APEH: variants seen among roughly 807,000 people sequenced by gnomAD.
APEH encodes the protein acylaminoacyl-peptide hydrolase.
In APEH, 75 loss-of-function variants were observed where a neutral mutation model predicts 102.7. The ratio of observed to expected loss-of-function variants is 0.73; its 90% confidence interval spans 0.61 to 0.89. The LOEUF is 0.89. APEH is among the 40% of genes least tolerant of loss of function. The pLI is 0.00. For missense variants in APEH, 863 were observed against 941.2 expected, an observed-to-expected ratio of 0.92 and a Z score of 1.09; for synonymous variants, 344 against 362.7, an observed-to-expected ratio of 0.95 and a Z score of 0.59.
Position 49,677,086 on chromosome 3 carries a change from G to C in APEH, c.999+62G>C. On this transcript the variant is annotated intron_variant, in intron 10 of 21. Coordinates refer to ENST00000296456, the MANE Select transcript of APEH (RefSeq NM_001640.4). ...CAAGAAGATGGGATGGTGGATGAGA[G>C]CTGAAGGGCCAGTATCATCTCCCCA... 4 of 1,607,596 alleles carry C rather than the reference G, an allele frequency of 2.5e-6. No individual in the cohort carries two copies. The South Asian group carries it at 4.4e-5, about 18-fold the overall frequency.
In APEH at chr3:49,674,520, C is replaced by G; in HGVS notation, c.44C>G (p.Ala15Gly). The change falls in exon 2 of 22, where the codon GCT (alanine) becomes GGT (glycine). Residue 15 changes from alanine to glycine, a missense_variant. Coordinates refer to ENST00000296456, the MANE Select transcript of APEH (RefSeq NM_001640.4). ...CTGAGCGAGCCCGAGGAGGCGGCGGCTCTGTATCGGGGCCTTAGCCGCCAG... is the reference window on the plus strand; with the variant it reads ...CTGAGCGAGCCCGAGGAGGCGGCGGGTCTGTATCGGGGCCTTAGCCGCCAG... ...VLLSEPEEAA[A>G]LYRGLSRQPA... 6.4e-7 allele frequency: 1 copy of G among 1,568,296 alleles called. No homozygotes were observed. Among genetic ancestry groups the G allele is most frequent in the Non-Finnish European group, 8.6e-7 (1 of 1,165,232 alleles).
intron 14 of APEH, 77 bp from the exon 15 acceptor site, chr3:49,681,024 C>T: frequency 1.3e-6 from 2 of 1,493,646 alleles, no homozygotes; most frequent in Non-Finnish European, 1.8e-6. Flanking sequence ...TGAGAGCTGC[C>T]TATTTCCCAC....
Position 49,681,812 on chromosome 3 carries a change from A to C in APEH, c.1522+7A>C. The C allele has an allele frequency of 6.2e-7, 1 of 1,611,956 alleles. No individual in the cohort carries two copies. ...ATGGTGGTCATGCCCCACGGTAGGCATCTGGCGTTAAGAGCCCTTGCCCTC... is the reference window on the plus strand; with the variant it reads ...ATGGTGGTCATGCCCCACGGTAGGCCTCTGGCGTTAAGAGCCCTTGCCCTC... On this transcript the variant is annotated splice_region_variant and intron_variant, in intron 16 of 21. Transcript: ENST00000296456.
chr3:49,681,921 G>T lies in APEH; in HGVS notation c.1557G>T (p.Met519Ile), dbSNP rs2053337270. The T allele has an allele frequency of 6.2e-7, 1 of 1,614,202 alleles. No homozygotes were observed. The highest frequency in any genetic ancestry group is 2.2e-5 in the East Asian group (1 of 44,876). ...ATTCATCCTTTGTCACTGCCTGGAT[G>T]CTGTTCCCAGCCATGCTTTGCAAGA... is the stretch of plus-strand genomic sequence containing the variant. ...GPHSSFVTAWMLFPAMLCKMG... is the reference protein window; with the variant it reads ...GPHSSFVTAWILFPAMLCKMG... The change falls in exon 17 of 22, where the codon ATG becomes ATT. Residue 519 changes from methionine to isoleucine, a missense_variant. Coordinates refer to ENST00000296456, the MANE Select transcript of APEH (RefSeq NM_001640.4).
chr3:49,673,808 CTCACGCTCACG>C (rs1233988425), upstream of APEH, among the ~76,000 whole-genome samples: 7 of 131,370 alleles, frequency 5.3e-5, no homozygotes, highest in African/African-American at 2.9e-4. Flanking sequence ...CACCCTCACG[CTCACGCTCACG>C]CTCACGCTCA....
chr3:49,678,500 A>T (rs899539536), intron 11 of APEH, among the ~76,000 whole-genome samples: 2 of 152,162 alleles, frequency 1.3e-5, no homozygotes, highest in African/African-American at 4.8e-5. Flanking sequence ...CACAGTGGAG[A>T]TAAGACGGAC....
intron 8 of APEH, 25 bp from the exon 9 acceptor site, chr3:49,676,752 C>CG (rs1559632048): frequency 1.2e-6 from 2 of 1,614,268 alleles, no homozygotes; most frequent in South Asian, 2.2e-5. Context: ...GGCCTTGAGA[C>CG]TGAGTGTCTG....
At position 49,676,218 on chromosome 3, in the gene APEH, A is replaced by C. The variant is rs149050354; in HGVS notation, c.605A>C (p.Lys202Thr). 10 of 1,613,852 alleles carry C rather than the reference A, an allele frequency of 6.2e-6. No individual in the cohort carries two copies. The East Asian group carries it at 2.2e-4, about 36-fold the overall frequency. Residue 202 changes from lysine (K) to threonine (T), a missense_variant and splice_region_variant, in exon 6 of 22, where the codon AAG (lysine) becomes ACG (threonine). Transcript: ENST00000296456. ...CTGAAGAAGCCAGACCAAGCCATCA[A>C]GGTGCTCGTGGTCAATCCACGAAGG... is the stretch of plus-strand genomic sequence containing the variant. Reference protein sequence around the residue: ...ARLKKPDQAIKGDQFVFYEDW... With the variant: ...ARLKKPDQAITGDQFVFYEDW...
Position 49,679,022 on chromosome 3 carries a change from A to G in APEH, c.1158+73A>G. Reference sequence around the variant, plus strand: ...CAGGAGCCCTGGGGGTTGCATGTGCATGCCCCTGGGTGGAATGCCCAGCCA... The same window carrying G: ...CAGGAGCCCTGGGGGTTGCATGTGCGTGCCCCTGGGTGGAATGCCCAGCCA... On this transcript the variant is annotated intron_variant, in intron 12 of 21. Coordinates refer to ENST00000296456, the MANE Select transcript of APEH (RefSeq NM_001640.4). This position sits in a 1 kb window ranked among gnomAD's most constrained non-coding sequence, Gnocchi z 4.3. The G allele has an allele frequency of 7.7e-7, 1 of 1,292,360 alleles. No homozygotes were observed. Among genetic ancestry groups the G allele is most frequent in the South Asian group, 1.2e-5 (1 of 83,106 alleles). The allele number at this position is 1,292,360 out of a possible 1,614,324, so 80.1% of individuals were successfully genotyped here.
rs543901559 is a variant in APEH, at chr3:49,674,371, C to T, written c.-31C>T. 4 of 1,556,644 alleles carry T rather than the reference C, an allele frequency of 2.6e-6. No homozygotes were observed. On this transcript the variant is annotated 5_prime_UTR_variant, in exon 1 of 22. Transcript: ENST00000296456. ...GCCTCACTTCCGGGCGCGAGCACGCCCCGCCTCGCCCCGGCGGCAGAGAGG... is the reference window on the plus strand; with the variant it reads ...GCCTCACTTCCGGGCGCGAGCACGCTCCGCCTCGCCCCGGCGGCAGAGAGG...
chr3:49,674,712 G>A, intron 2 of APEH, 91 bp downstream of exon 2: 2 of 1,507,146 alleles, frequency 1.3e-6, no homozygotes, highest in South Asian at 1.2e-5. Context: ...TTGACAGTGC[G>A]TAAGGGTATA....
chr3:49,678,281 T>C (rs1167553918), intron 11 of APEH, among the ~76,000 whole-genome samples: 1 of 152,188 alleles, frequency 6.6e-6, no homozygotes, highest in African/African-American at 2.4e-5. Context: ...GTTGCAGGGA[T>C]GCAGTGGTGG....
chr3:49,683,173 G>C (rs772813346), intron 21 of APEH, 27 bp downstream of exon 21: 1 of 1,611,236 alleles, frequency 6.2e-7, no homozygotes, highest in African/African-American at 1.3e-5. Flanking sequence ...GGCCCTGGCA[G>C]CTGGTGGGCA....
At position 49,683,403 on chromosome 3, in the gene APEH, A is replaced by G. The variant is rs1008517640; in HGVS notation, c.*61A>G. 2.2e-5 allele frequency: 32 copies of G among 1,461,414 alleles called. No individual in the cohort carries two copies. The highest frequency in any genetic ancestry group is 8.4e-5 in the African/African-American group (6 of 71,732). 90.5% of individuals were successfully genotyped at this position (1,461,414 alleles called of 1,614,324 possible). A position where few individuals can be genotyped will look rare whatever the true frequency, so the allele number is the denominator to read the frequency against. ...CCACACTTCGCTCTTGAGGAGCTCA[A>G]CGGTCTGGCAGGGCAGCAGGAGGCT... On this transcript the variant is annotated 3_prime_UTR_variant, in exon 22 of 22. Transcript: ENST00000296456.
intron 3 of APEH, 152 bp downstream of exon 3, chr3:49,675,461 A>G (rs2052986502): frequency 4.2e-6 from 5 of 1,182,150 alleles, no homozygotes; most frequent in Admixed American, 2.4e-5. Context: ...ATGGCCTGAT[A>G]AGCACTGGAA....
At chr3:49,678,677 C>T (rs1241123957) in intron 11 of APEH, among the ~76,000 whole-genome samples, 175 bp from the exon 12 acceptor site, 5 of 152,180 alleles carry the variant, frequency 3.3e-5, no homozygotes, top group Non-Finnish European at 7.4e-5. Context: ...CCTCAGCCAC[C>T]TACTCAGGCA....
Position 49,679,494 on chromosome 3 carries a change from G to A in APEH, c.1159-99G>A, listed in dbSNP as rs1032836399. ...GCTGTCCACAGCCTTGGTCTGGCCA[G>A]GGCTCTCCAAGAGGGTAGAGAGGAG... On this transcript the variant is annotated intron_variant, in intron 12 of 21. Transcript: ENST00000296456. The surrounding 1 kb of genome is among the most constrained non-coding windows in gnomAD (Gnocchi z 4.3). 9 of 1,293,794 alleles carry A rather than the reference G, an allele frequency of 7.0e-6. No homozygotes were observed. Among genetic ancestry groups the A allele is most frequent in the Admixed American group, 3.4e-5 (2 of 58,386 alleles). 80.1% of individuals were successfully genotyped at this position (1,293,794 alleles called of 1,614,324 possible).
Position 49,679,779 on chromosome 3 carries a change from C to A in APEH, c.1210+135C>A. The A allele has an allele frequency of 1.1e-6, 1 of 893,336 alleles. No homozygotes were observed. Among genetic ancestry groups the A allele is most frequent in the Non-Finnish European group, 1.7e-6 (1 of 571,528 alleles). 55.3% of individuals were successfully genotyped at this position (893,336 alleles called of 1,614,324 possible). ...CTCAGCACCACTGACTGTTCCACAGCCTTTACTAACAGGTCCCCAAGGCCC... is the reference window on the plus strand; with the variant it reads ...CTCAGCACCACTGACTGTTCCACAGACTTTACTAACAGGTCCCCAAGGCCC... On this transcript the variant is annotated intron_variant, in intron 13 of 21. Coordinates refer to ENST00000296456, the MANE Select transcript of APEH (RefSeq NM_001640.4). The surrounding 1 kb of genome is among the most constrained non-coding windows in gnomAD (Gnocchi z 4.3).
intron 3 of APEH, 96 bp from the exon 4 acceptor site, chr3:49,675,598 A>G: frequency 7.8e-7 from 1 of 1,279,046 alleles, no homozygotes; most frequent in Non-Finnish European, 1.1e-6. Flanking sequence ...GTGTGGGGCC[A>G]GAGCCTCAAG....
Sources: gnomAD v4.1 joint callset for allele counts (sites outside exome capture counted in the v4.1 genomes callset) on GRCh38, gnomAD v4.1.1 for gene constraint, Gnocchi (gnomAD v3.1) non-coding constraint, MANE v1.5 for transcripts, NCBI Gene and HGNC (gene_info 2026-07-23, HGNC 2026-07-21) for gene names.